Variants in RGPD4 observed in about 807,000 individuals in gnomAD.
RGPD4 encodes RANBP2 like and GRIP domain containing 4, also known as ranBP2-like and GRIP domain-containing protein 4.
Under a neutral mutation model 141.1 loss-of-function variants are expected in RGPD4, and 84 were observed. The ratio of observed to expected loss-of-function variants is 0.60; its 90% CI spans 0.50 to 0.71. The LOEUF (loss-of-function observed/expected upper bound fraction) is 0.71, where lower values mean the gene tolerates loss of function less well. RGPD4 is among the 30% of genes least tolerant of loss of function. The pLI is 0.00. For synonymous variants in RGPD4, 298 were observed against 566.8 expected, an observed-to-expected ratio of 0.53 and a Z score of 6.74; for missense variants, 918 against 1,622.4, an observed-to-expected ratio of 0.57 and a Z score of 7.46.
intron 20 of RGPD4, among the ~76,000 whole-genome samples, chr2:107,877,142 G>A (rs1212080261): frequency 6.6e-6 from 1 of 151,688 alleles, no homozygotes; most frequent in African/African-American, 2.4e-5. Flanking sequence ...GGGAGGCCAA[G>A]GCGGGTGGAT....
chr2:107,862,486 TA>T (rs1390624863), intron 15 of RGPD4, among the ~76,000 whole-genome samples, 195 bp from the exon 16 acceptor site: 1 of 152,056 alleles, frequency 6.6e-6, no homozygotes, highest in African/African-American at 2.4e-5. Context: ...GACAAAAAAA[TA>T]AAAATAATAC....
At chr2:107,833,477 A>C (rs1410477839) in intron 1 of RGPD4, among the ~76,000 whole-genome samples, 6 of 150,204 alleles carry the variant, frequency 4.0e-5, no homozygotes, top group East Asian at 2.0e-4. Context: ...GTACTGCTTG[A>C]ATCAGATATT....
chr2:107,853,961 G>A (rs908484804), intron 7 of RGPD4, among the ~76,000 whole-genome samples: 6 of 139,472 alleles, frequency 4.3e-5, no homozygotes, highest in African/African-American at 1.6e-4. Flanking sequence ...TGTTGTTCAG[G>A]CTGGTCTTGA....
At chr2:107,874,220 G>A (rs1255446714) in intron 20 of RGPD4, among the ~76,000 whole-genome samples, 4 of 151,614 alleles carry the variant, frequency 2.6e-5, no homozygotes, top group Admixed American at 6.6e-5. Context: ...CATGTATACA[G>A]TATGGAAGAG....
intron 1 of RGPD4, among the ~76,000 whole-genome samples, chr2:107,831,309 T>C (rs564907197): frequency 1.3e-5 from 2 of 149,320 alleles, no homozygotes; most frequent in East Asian, 3.9e-4. Flanking sequence ...CTTCTCAAAG[T>C]CTACTTGACA....
At chr2:107,881,345 T>C (rs906516791) in intron 21 of RGPD4, among the ~76,000 whole-genome samples, 1 of 151,172 alleles carries the variant, frequency 6.6e-6, no homozygotes, top group Non-Finnish European at 1.5e-5. Flanking sequence ...TTTGAGATAG[T>C]CTCGCTCTGT....
rs541808921 is a variant in RGPD4 at position 107,884,228 on chromosome 2, G to A, written c.5266+1355G>A. Among the ~76,000 whole-genome samples, 315 of 150,312 alleles carry A rather than the reference G, an allele frequency of 2.1e-3. 2 individuals carry two copies. The highest frequency in any genetic ancestry group is 2.3e-3 in the Non-Finnish European group (152 of 67,346). The stretch of plus-strand genomic sequence containing the variant: ...CGGATTCAAGCGATTCTCCTGCCTC[G>A]GCCTCCCAAGTAGCTGGGACTACAG... On this transcript the variant is annotated intron_variant, in intron 22 of 22. Coordinates refer to ENST00000408999, the MANE Select transcript of RGPD4 (RefSeq NM_182588.3).
At chr2:107,887,018 G>C (rs928076672) in intron 22 of RGPD4, among the ~76,000 whole-genome samples, 1 of 149,638 alleles carries the variant, frequency 6.7e-6, no homozygotes, top group African/African-American at 2.5e-5. Context: ...CCAGGCAGGA[G>C]GATTGCTTGA....
chr2:107,876,759 A>C (rs948513236), intron 20 of RGPD4, among the ~76,000 whole-genome samples: 3 of 151,772 alleles, frequency 2.0e-5, no homozygotes, highest in African/African-American at 4.9e-5. Context: ...AAGCAACTTC[A>C]GAAGAATTTA....
At position 107,882,808 on chromosome 2, in the gene RGPD4, CT is replaced by C; in HGVS notation, c.5202del (p.Val1735LeufsTer2). On this transcript the variant is annotated frameshift_variant, in exon 22 of 23. Transcript: ENST00000408999. LOFTEE classifies it high-confidence loss of function. ...GGTAGTGAAAGAGAGAGACTTCTTCCTGTTATAAATACGATGTTGCAGCTCA... is the reference window on the plus strand; with the variant it reads ...GGTAGTGAAAGAGAGAGACTTCTTCCGTTATAAATACGATGTTGCAGCTCA... ...KPGSERERLL[P>X]VINTMLQLSP... The C allele has an allele frequency of 6.2e-7, 1 of 1,611,070 alleles. No homozygotes were observed. The highest frequency in any genetic ancestry group is 1.3e-5 in the African/African-American group (1 of 74,314).
chr2:107,890,489 C>T (rs1044206233), intron 22 of RGPD4, among the ~76,000 whole-genome samples: 7 of 128,502 alleles, frequency 5.4e-5, no homozygotes, highest in Non-Finnish European at 9.6e-5. Context: ...ATCAAGGCTG[C>T]ACTGAAGTCT....
At chr2:107,855,754 T>C (rs1370862248) in intron 8 of RGPD4, among the ~76,000 whole-genome samples, 1 of 101,508 alleles carries the variant, frequency 9.9e-6, no homozygotes, top group African/African-American at 4.2e-5. Flanking sequence ...TTTTAGAAGA[T>C]TTTCATCACT....
chr2:107,888,581 CCTTTGTATAAT>C (rs1444879645), intron 22 of RGPD4, among the ~76,000 whole-genome samples: 1 of 151,732 alleles, frequency 6.6e-6, no homozygotes, highest in Non-Finnish European at 1.5e-5. Flanking sequence ...GAAATTCATG[CCTTTGTATAAT>C]CTCTTCCCCT....
chr2:107,827,031 C>G lies in RGPD4; in HGVS notation c.18C>G (p.Ala6=). 2 of 1,599,764 alleles carry G rather than the reference C, an allele frequency of 1.3e-6. No homozygotes were observed. The highest frequency in any genetic ancestry group is 1.7e-6 in the Non-Finnish European group (2 of 1,174,628). Residue 6 remains alanine (A), a synonymous_variant, in exon 1 of 23, where the codon GCC becomes GCG. Coordinates refer to ENST00000408999, the MANE Select transcript of RGPD4 (RefSeq NM_182588.3). ...GTGGCGCGATGAGTTGCAGCAAGGC[C>G]TACGGGGAGCGGTACGTCGCCTCCG... MSCSK[A]YGERYVASVQ...
Position 107,859,430 on chromosome 2 carries a change from T to C in RGPD4, c.1510T>C (p.Cys504Arg). 4 of 1,610,902 alleles carry C rather than the reference T, an allele frequency of 2.5e-6. No homozygotes were observed. The highest frequency in any genetic ancestry group is 3.4e-6 in the Non-Finnish European group (4 of 1,179,836). The change falls in exon 11 of 23, where the codon TGT (cysteine) becomes CGT (arginine). Residue 504 changes from cysteine to arginine, a missense_variant. Physicochemically the swap from Cys to Arg is radical, Grantham distance 180. Transcript: ENST00000408999. Reference protein sequence around the residue: ...YTSHLQLKEKCNSHHSSYQPL... With the variant: ...YTSHLQLKEKRNSHHSSYQPL... ...CAGCCACTTACAATTAAAGGAGAAA[T>C]GTAATTCTCACCACAGCTCCTATCA... is the stretch of plus-strand genomic sequence containing the variant.
chr2:107,862,593 G>T, intron 15 of RGPD4, 89 bp from the exon 16 acceptor site: 2 of 671,006 alleles, frequency 3.0e-6, no homozygotes, highest in East Asian at 2.7e-5. Flanking sequence ...TGACAAAAAT[G>T]TAAATAAGAT....
At chr2:107,856,043 T>G (rs1261232020) in intron 8 of RGPD4, among the ~76,000 whole-genome samples, 1 of 138,676 alleles carries the variant, frequency 7.2e-6, no homozygotes, top group Non-Finnish European at 1.5e-5. Context: ...GAACAAGGCC[T>G]GGAAATAATT....
At chr2:107,862,926 T>C in intron 16 of RGPD4, 23 bp from the exon 17 acceptor site, 2 of 1,608,654 alleles carry the variant, frequency 1.2e-6, no homozygotes, top group Non-Finnish European at 1.7e-6. Flanking sequence ...AATGCTCTTT[T>C]GTGATTTTTA....
In RGPD4 at chr2:107,886,589, G is replaced by GA. The variant is rs1273654647; in HGVS notation, c.5266+3717dup. Among the ~76,000 whole-genome samples the GA allele has an allele frequency of 8.6e-5, 13 of 151,586 alleles. 1 individual carries two copies. In the East Asian group the frequency reaches 2.5e-3, roughly 30 times the overall value. ...AAAATTTCCTAGGTAAAAGGTCTAAGATGCCAGAAAGAAAGACATGCAAAG... is the reference window on the plus strand; with the variant it reads ...AAAATTTCCTAGGTAAAAGGTCTAAGAATGCCAGAAAGAAAGACATGCAAAG... On this transcript the variant is annotated intron_variant, in intron 22 of 22. Transcript: ENST00000408999.
Sources: allele counts gnomAD v4.1 joint callset (sites outside exome capture counted in the v4.1 genomes callset), GRCh38; gene constraint gnomAD v4.1.1; transcripts MANE v1.5; gene names NCBI Gene and HGNC (gene_info 2026-07-23, HGNC 2026-07-21).